HECW1: variants seen among roughly 807,000 people sequenced by gnomAD.
HECW1 encodes the protein HECT, C2 and WW domain containing E3 ubiquitin protein ligase 1.
HECW1 carries 61 observed loss-of-function variants against 182.3 expected under a neutral mutation model. The observed-to-expected ratio is 0.33, with a 90% CI of 0.27 to 0.41. HECW1 has a LOEUF of 0.41. Ranked by LOEUF, HECW1 falls within the 10% of genes least tolerant of loss-of-function variation. The probability of loss-of-function intolerance (pLI) is 1.00; values close to 1 mark genes in which losing one functional copy is unlikely to be tolerated. For synonymous variants in HECW1, 859 were observed against 832.6 expected (o/e 1.03, Z -0.55); for missense variants, 1,739 against 2,108.9 (o/e 0.82, Z 3.44).
intron 16 of HECW1, among the ~76,000 whole-genome samples, chr7:43,470,699 T>C (rs1478482226): frequency 6.6e-6 from 1 of 152,136 alleles, no homozygotes; most frequent in African/African-American, 2.4e-5. Context: ...GAGAAGACTT[T>C]CAGTTATGAC....
At chr7:43,509,330 C>T in intron 24 of HECW1, 1 of 468,286 alleles carries the variant, frequency 2.1e-6, no homozygotes, top group Non-Finnish European at 3.7e-6. Flanking sequence ...GATAATATAG[C>T]AACTGCAAAT....
intron 8 of HECW1, among the ~76,000 whole-genome samples, chr7:43,437,238 T>C (rs1448238050): frequency 6.6e-6 from 1 of 152,192 alleles, no homozygotes; most frequent in African/African-American, 2.4e-5. Flanking sequence ...TTCATGTCTG[T>C]GTATGTTGAT....
chr7:43,480,649 G>T (rs2078395601), intron 17 of HECW1, among the ~76,000 whole-genome samples: 1 of 151,324 alleles, frequency 6.6e-6, no homozygotes, highest in South Asian at 2.1e-4. Context: ...ACATATGTGT[G>T]TGTGTGTGTA....
rs774814220 is a variant in HECW1 at position 43,445,517 on chromosome 7, G to A, written c.2345G>A (p.Arg782Lys). Reference sequence around the variant, plus strand: ...GCCGCCCCTAGCGGGCACGTGGAAAGAAGCCCGGAAGGTCTGGAATCCCCC... The same window carrying A: ...GCCGCCCCTAGCGGGCACGTGGAAAAAAGCCCGGAAGGTCTGGAATCCCCC... ...ELAAPSGHVE[R>K]SPEGLESPVA... Residue 782 changes from arginine to lysine, a missense_variant, in exon 11 of 30, where the codon AGA becomes AAA. Coordinates refer to ENST00000395891, the MANE Select transcript of HECW1 (RefSeq NM_015052.5). 1.7e-5 allele frequency: 28 copies of A among 1,610,402 alleles called. No individual in the cohort carries two copies. The highest frequency in any genetic ancestry group is 2.3e-5 in the Non-Finnish European group (27 of 1,178,198).
intron 3 of HECW1, among the ~76,000 whole-genome samples, chr7:43,260,848 G>A (rs1301982323): frequency 1.3e-5 from 2 of 152,194 alleles, no homozygotes; most frequent in Non-Finnish European, 2.9e-5. Flanking sequence ...AGGAAACTGT[G>A]AAAAGGAGCA....
chr7:43,442,447 C>T, intron 9 of HECW1, 82 bp from the exon 10 acceptor site: 1 of 961,238 alleles, frequency 1.0e-6, no homozygotes, highest in Non-Finnish European at 1.6e-6. Flanking sequence ...CCTGCCTCAC[C>T]CACTGGTATA....
intron 24 of HECW1, 149 bp from the exon 25 acceptor site, chr7:43,541,014 A>C: frequency 1.5e-6 from 1 of 664,690 alleles, no homozygotes; most frequent in Non-Finnish European, 2.7e-6. Flanking sequence ...CAAAAGGACA[A>C]GAACAGGTGC....
chr7:43,140,212 A>T (rs1387519412), intron 2 of HECW1, among the ~76,000 whole-genome samples: 1 of 151,650 alleles, frequency 6.6e-6, no homozygotes, highest in Non-Finnish European at 1.5e-5. Flanking sequence ...TCCTCATTAA[A>T]TTTTTTCCAT....
chr7:43,134,393 CAAAAAAAAAA>C lies in HECW1; in HGVS notation c.-32+20015_-32+20024del, dbSNP rs35414360. On this transcript the variant is annotated intron_variant, in intron 2 of 29. Coordinates refer to ENST00000395891, the MANE Select transcript of HECW1 (RefSeq NM_015052.5). ...TGGGTAAGAGAGTGAGACTCTGTCTCAAAAAAAAAAAAAAAAAAAAAAGAATAAATGTGTT... is the reference window on the plus strand; with the variant it reads ...TGGGTAAGAGAGTGAGACTCTGTCTCAAAAAAAAAAAAGAATAAATGTGTT... Among the ~76,000 whole-genome samples, 7 of 87,772 alleles carry C rather than the reference CAAAAAAAAAA, an allele frequency of 8.0e-5. 1 individual carries two copies. The highest frequency in any genetic ancestry group is 3.4e-4 in the African/African-American group (7 of 20,650). The allele number at this position is 87,772 out of a possible 152,430, so 57.6% of individuals were successfully genotyped here. A position where few individuals can be genotyped will look rare whatever the true frequency, so the allele number is the denominator to read the frequency against.
chr7:43,323,227 T>C (rs941994678), intron 5 of HECW1, among the ~76,000 whole-genome samples: 1 of 152,232 alleles, frequency 6.6e-6, no homozygotes, highest in Non-Finnish European at 1.5e-5. Context: ...ACATTTCTTG[T>C]ATATTTATTC....
At chr7:43,440,241 T>G (rs1183600665) in intron 9 of HECW1, 1 of 152,832 alleles carries the variant, frequency 6.5e-6, no homozygotes, top group Non-Finnish European at 1.5e-5. Context: ...TAAAGCCCCC[T>G]GCATCCGTGG....
intron 5 of HECW1, among the ~76,000 whole-genome samples, chr7:43,352,739 G>T (rs192657964): frequency 6.6e-6 from 1 of 152,274 alleles, no homozygotes; most frequent in Admixed American, 6.5e-5. Context: ...ATAATGATTG[G>T]CTATACATCA....
At chr7:43,215,368 G>A (rs1796351441) in intron 2 of HECW1, among the ~76,000 whole-genome samples, 1 of 152,240 alleles carries the variant, frequency 6.6e-6, no homozygotes, top group Non-Finnish European at 1.5e-5. Context: ...CAGCATGGCT[G>A]ACCCAGCCAG....
At chr7:43,554,393 C>A (rs1283953666) in intron 28 of HECW1, among the ~76,000 whole-genome samples, 199 bp from the exon 29 acceptor site, 1 of 152,192 alleles carries the variant, frequency 6.6e-6, no homozygotes, top group Admixed American at 6.5e-5. Context: ...TGACTATTTT[C>A]TAAATCTGCT....
chr7:43,439,804 GA>G, intron 9 of HECW1: 1 of 152,518 alleles, frequency 6.6e-6, no homozygotes, highest in Non-Finnish European at 1.5e-5. Context: ...ACCTGAGGTG[GA>G]AAAGGGTGTC....
intron 2 of HECW1, among the ~76,000 whole-genome samples, chr7:43,157,757 C>T (rs762421317): frequency 3.3e-5 from 5 of 152,162 alleles, no homozygotes; most frequent in South Asian, 2.1e-4. Context: ...GATGGGGTTT[C>T]GCCGCATTGC....
At chr7:43,159,393 C>T (rs910836180) in intron 2 of HECW1, among the ~76,000 whole-genome samples, 12 of 144,718 alleles carry the variant, frequency 8.3e-5, no homozygotes, top group Non-Finnish European at 7.5e-5. Flanking sequence ...TCCAAGTGAT[C>T]TCATTGGAAT....
rs201294883 is a variant in HECW1, at chr7:43,191,136, G to GTT, written c.-31-52738_-31-52737dup. ...CTGCGGAGTAGATTAACACTCTTGG[G>GTT]TTATATATATATATGCAAGAGGAAG... On this transcript the variant is annotated intron_variant, in intron 2 of 29. Coordinates refer to ENST00000395891, the MANE Select transcript of HECW1 (RefSeq NM_015052.5). Among the ~76,000 whole-genome samples, 101 of 151,232 alleles carry GTT rather than the reference G, an allele frequency of 6.7e-4. 2 individuals carry two copies. The East Asian group carries it at 0.015, about 22-fold the overall frequency.
Position 43,308,102 on chromosome 7 carries a change from TATATA to T in HECW1, c.28-3654_28-3650del, listed in dbSNP as rs1200869823. Among the ~76,000 whole-genome samples the T allele has an allele frequency of 1.9e-3, 204 of 107,474 alleles. 2 individuals carry two copies. Among genetic ancestry groups the T allele is most frequent in the Middle Eastern group, 9.8e-3 (2 of 204 alleles). The allele number at this position is 107,474 out of a possible 152,430, so 70.5% of individuals were successfully genotyped here. A position where few individuals can be genotyped will look rare whatever the true frequency, so the allele number is the denominator to read the frequency against. On this transcript the variant is annotated intron_variant, in intron 3 of 29. Transcript: ENST00000395891. ...AATATATTATATATTATATATGTTATATATAATATAACATATAATATATTTATATA... is the reference window on the plus strand; with the variant it reads ...AATATATTATATATTATATATGTTATATATAACATATAATATATTTATATA...
Sources: allele counts gnomAD v4.1 joint callset (sites outside exome capture counted in the v4.1 genomes callset), GRCh38; gene constraint gnomAD v4.1.1; transcripts MANE v1.5; gene names NCBI Gene and HGNC (gene_info 2026-07-23, HGNC 2026-07-21).